Variants in TMEM232 observed in about 807,000 individuals in gnomAD.
The protein encoded by TMEM232 is transmembrane protein 232.
A neutral mutation model predicts 78.8 loss-of-function variants in TMEM232; 80 were observed. The ratio of observed to expected loss-of-function variants is 1.01; its 90% CI spans 0.85 to 1.22. The LOEUF is 1.22. Among genes scored for constraint, TMEM232 ranks in the 50% most tolerant of loss-of-function variants. The pLI, the probability that TMEM232 is intolerant of heterozygous loss-of-function variation, is 0.00. For missense variants in TMEM232, 881 were observed against 742.2 expected (o/e 1.19, Z -2.17); for synonymous variants, 297 against 254.3 (o/e 1.17, Z -1.60).
chr5:110,673,862 A>G (rs1791684160), intron 1 of TMEM232, among the ~76,000 whole-genome samples: 1 of 152,078 alleles, frequency 6.6e-6, no homozygotes. Context: ...TTCAGATTGT[A>G]TACTTTTTGC....
intron 12 of TMEM232, among the ~76,000 whole-genome samples, chr5:110,520,728 G>C (rs1769379757): frequency 6.6e-6 from 1 of 151,916 alleles, no homozygotes; most frequent in Admixed American, 6.6e-5. Context: ...AGACCAACTT[G>C]ACCAACATGG....
intron 1 of TMEM232, among the ~76,000 whole-genome samples, chr5:110,694,348 AC>A (rs1376205089): frequency 6.6e-6 from 1 of 152,188 alleles, no homozygotes; most frequent in Non-Finnish European, 1.5e-5. Flanking sequence ...CACTGCAAAA[AC>A]ATGCCAAATT....
chr5:110,637,189 T>G (rs1785966146), intron 5 of TMEM232, among the ~76,000 whole-genome samples: 1 of 151,030 alleles, frequency 6.6e-6, no homozygotes, highest in Non-Finnish European at 1.5e-5. Flanking sequence ...TAGTGGACAG[T>G]TTTGGAAATA....
intron 12 of TMEM232, among the ~76,000 whole-genome samples, chr5:110,487,132 A>C (rs1160474036): frequency 6.6e-6 from 1 of 152,108 alleles, no homozygotes; most frequent in African/African-American, 2.4e-5. Flanking sequence ...GGTGTACAGA[A>C]GAGCTACTGA....
intron 1 of TMEM232, among the ~76,000 whole-genome samples, chr5:110,676,996 G>A (rs997320789): frequency 6.6e-6 from 1 of 151,940 alleles, no homozygotes; most frequent in African/African-American, 2.4e-5. Context: ...CCTGAACTCA[G>A]GTGATCTGCC....
chr5:110,701,630 T>C (rs1025555550), intron 1 of TMEM232, among the ~76,000 whole-genome samples: 1 of 152,064 alleles, frequency 6.6e-6, no homozygotes, highest in African/African-American at 2.4e-5. Flanking sequence ...AGCATACCAA[T>C]AGACCCTGTC....
At chr5:110,643,063 A>G (rs976253962) in intron 2 of TMEM232, among the ~76,000 whole-genome samples, 1 of 151,950 alleles carries the variant, frequency 6.6e-6, no homozygotes, top group African/African-American at 2.4e-5. Context: ...TAAGGAGAAG[A>G]GTTTGGATAA....
chr5:110,390,584 TGGGTGATG>T (rs1755139510), exon 4 of TMEM232: 1 of 152,182 alleles, frequency 6.6e-6, no homozygotes, highest in Admixed American at 6.5e-5. Context: ...GATCGTATGA[TGGGTGATG>T]AGGAGTGGCC....
In TMEM232 at chr5:110,713,428, T is replaced by C. The variant is rs188612949; in HGVS notation, c.-13+13199A>G. Among the ~76,000 whole-genome samples the C allele has an allele frequency of 1.1e-3, 165 of 152,238 alleles. 1 individual carries two copies. The highest frequency in any genetic ancestry group is 1.4e-3 in the Non-Finnish European group (93 of 67,998). On this transcript the variant is annotated intron_variant, in intron 1 of 13. Coordinates refer to ENST00000455884, the MANE Select transcript of TMEM232 (RefSeq NM_001039763.4). ...TAATTGGATTGTTTATAACTCAAAGTATAAATGCTGAGGAGATAGATTCCC... is the reference window on the plus strand; with the variant it reads ...TAATTGGATTGTTTATAACTCAAAGCATAAATGCTGAGGAGATAGATTCCC...
chr5:110,636,819 ATAGT>A (rs1785905413), intron 5 of TMEM232, among the ~76,000 whole-genome samples: 1 of 152,090 alleles, frequency 6.6e-6, no homozygotes, highest in African/African-American at 2.4e-5. Flanking sequence ...TGTAAGGCAC[ATAGT>A]TAAGTAAGGT....
At chr5:110,396,370 A>G (rs1282350656) in intron 3 of TMEM232, among the ~76,000 whole-genome samples, 1 of 152,156 alleles carries the variant, frequency 6.6e-6, no homozygotes, top group African/African-American at 2.4e-5. Flanking sequence ...GTTTACCTAT[A>G]TAGATATTCA....
chr5:110,541,753 T>C (rs570490433), intron 11 of TMEM232, among the ~76,000 whole-genome samples: 2 of 152,280 alleles, frequency 1.3e-5, no homozygotes, highest in East Asian at 3.9e-4. Flanking sequence ...TATAAGCCTA[T>C]AAGAAATGTT....
chr5:110,671,418 A>G (rs1237855904), intron 1 of TMEM232, among the ~76,000 whole-genome samples: 1 of 152,230 alleles, frequency 6.6e-6, no homozygotes, highest in Non-Finnish European at 1.5e-5. Flanking sequence ...AAAGGATTAT[A>G]AATCATTCTA....
chr5:110,541,725 C>T (rs111271305), intron 11 of TMEM232, among the ~76,000 whole-genome samples: 1,979 of 152,162 alleles, frequency 0.013, 36 homozygotes, highest in African/African-American at 0.045. Flanking sequence ...TCCATAATAC[C>T]CCTAGAGCAA....
At chr5:110,413,872 A>T (rs1330358839) in intron 2 of TMEM232, among the ~76,000 whole-genome samples, 2 of 152,250 alleles carry the variant, frequency 1.3e-5, no homozygotes, top group Non-Finnish European at 2.9e-5. Context: ...AAGACACTGT[A>T]AATTGTCAAG....
At chr5:110,431,353 C>A (rs116296426) in intron 12 of TMEM232, among the ~76,000 whole-genome samples, 1,732 of 151,392 alleles carry the variant, frequency 0.011, 31 homozygotes, top group African/African-American at 0.04. Flanking sequence ...TACACTCTGG[C>A]GTTATGTTTG....
At chr5:110,415,235 C>T (rs572729089), downstream of TMEM232, among the ~76,000 whole-genome samples, 3 of 151,478 alleles carry the variant, frequency 2.0e-5, no homozygotes, top group East Asian at 2.0e-4. Flanking sequence ...TCGCCCAGGC[C>T]GGAGTGCAGT....
At chr5:110,543,019 A>G (rs1476865088) in intron 11 of TMEM232, among the ~76,000 whole-genome samples, 1 of 152,158 alleles carries the variant, frequency 6.6e-6, no homozygotes, top group Non-Finnish European at 1.5e-5. Flanking sequence ...TGGGAAGTGT[A>G]CTTTCATTTT....
chr5:110,444,333 C>T (rs1759404301), intron 12 of TMEM232, among the ~76,000 whole-genome samples: 1 of 152,112 alleles, frequency 6.6e-6, no homozygotes, highest in African/African-American at 2.4e-5. Flanking sequence ...TATGACTTTG[C>T]TCTCCACTGT....
Sources: gnomAD v4.1 joint callset for allele counts (sites outside exome capture counted in the v4.1 genomes callset) on GRCh38, gnomAD v4.1.1 for gene constraint, MANE v1.5 for transcripts, NCBI Gene and HGNC (gene_info 2026-07-23, HGNC 2026-07-21) for gene names.